The following UBR4 variants were observed in gnomAD, a reference collection of about 807,000 sequenced individuals.
The protein encoded by UBR4 is E3 ubiquitin-protein ligase UBR4.
UBR4 carries 124 observed loss-of-function variants against 575.6 expected under a neutral mutation model. The observed-to-expected ratio is 0.22, with a 90% confidence interval of 0.19 to 0.25. The LOEUF (loss-of-function observed/expected upper bound fraction) is 0.25. Ranked by LOEUF, UBR4 falls within the 10% of genes least tolerant of loss-of-function variation. The probability of loss-of-function intolerance (pLI) is 1.00; values close to 1 mark genes in which losing one functional copy is unlikely to be tolerated. For synonymous variants in UBR4, 2,455 were observed against 2,473.7 expected, an observed-to-expected ratio of 0.99 and a Z score of 0.22; for missense variants, 4,818 against 6,478.8, an observed-to-expected ratio of 0.74 and a Z score of 8.80.
At chr1:19,196,734 G>A (rs149097161) in intron 8 of UBR4, among the ~76,000 whole-genome samples, 7 of 152,236 alleles carry the variant, frequency 4.6e-5, no homozygotes, top group South Asian at 2.1e-4. Flanking sequence ...TCTGTGTACC[G>A]AAAATATTCT....
Position 19,141,732 on chromosome 1 carries a change from T to G in UBR4, c.8225A>C (p.Gln2742Pro), listed in dbSNP as rs767754966. Residue 2742 changes from glutamine to proline, a missense_variant, in exon 56 of 106, where the codon CAG becomes CCG. Physicochemically the swap from Gln to Pro is moderately conservative, Grantham distance 76. This residue lies in a region of UBR4 where 129 missense variants were observed against 198.4 expected (regional missense o/e 0.65). Transcript: ENST00000375254. The part of the protein sequence containing the change: ...DDDDDADEKM[Q>P]SSGIPNGGHI... Reference sequence around the variant, plus strand: ...ACCACCATTCGGGATCCCTGATGACTGCATTTTCTCATCTGCATCATCATC... The same window carrying G: ...ACCACCATTCGGGATCCCTGATGACGGCATTTTCTCATCTGCATCATCATC... 1 of 1,614,212 alleles carries G rather than the reference T, an allele frequency of 6.2e-7. No individual in the cohort carries two copies.
chr1:19,117,985 C>G lies in UBR4; in HGVS notation c.10542-75G>C, dbSNP rs554271258. The G allele has an allele frequency of 2.1e-5, 30 of 1,449,484 alleles. No individual in the cohort carries two copies. In the African/African-American group the frequency reaches 3.9e-4, roughly 19 times the overall value. The allele number at this position is 1,449,484 out of a possible 1,614,324, so 89.8% of individuals were successfully genotyped here. On this transcript the variant is annotated intron_variant, in intron 71 of 105. Transcript: ENST00000375254. The surrounding 1 kb of genome is among the most constrained non-coding windows in gnomAD (Gnocchi z 4.0). ...ACTGAGTTTCACAAAAAAATCATGA[C>G]AAAGCCATGGCTCAATGTGAGCCAA...
At chr1:19,151,622 C>T (rs745750204) in intron 48 of UBR4, 21 bp downstream of exon 48, 1 of 1,613,792 alleles carries the variant, frequency 6.2e-7, no homozygotes. Context: ...ACAGAGTCTG[C>T]ACCAGGGGTT....
chr1:19,173,789 C>T (rs1315375896), intron 22 of UBR4, among the ~76,000 whole-genome samples, 168 bp from the exon 23 acceptor site: 1 of 152,152 alleles, frequency 6.6e-6, no homozygotes, highest in Non-Finnish European at 1.5e-5. Flanking sequence ...CTAGAGAGTG[C>T]ACCTAGCAGA....
chr1:19,180,292 A>G (rs976223481), intron 17 of UBR4, among the ~76,000 whole-genome samples: 17 of 152,034 alleles, frequency 1.1e-4, no homozygotes, highest in Non-Finnish European at 1.9e-4. Flanking sequence ...GGATTCAAGC[A>G]ATTCTTGTGC....
intron 81 of UBR4, 125 bp from the exon 82 acceptor site, chr1:19,107,091 C>T (rs1337241454): frequency 6.6e-6 from 9 of 1,370,414 alleles, no homozygotes; most frequent in South Asian, 5.6e-5. Context: ...AGGATCAACA[C>T]GTGTATCTCT....
At chr1:19,150,828 T>A (rs2085576041) in intron 48 of UBR4, 35 bp from the exon 49 acceptor site, 2 of 1,607,488 alleles carry the variant, frequency 1.2e-6, no homozygotes, top group Admixed American at 1.7e-5. Context: ...AGGAAGCACA[T>A]TCTCTAAAAA....
At position 19,160,138 on chromosome 1, in the gene UBR4, C is replaced by T. The variant is rs1396461132; in HGVS notation, c.5550G>A (p.Lys1850=). The change falls in exon 39 of 106, where the codon AAG becomes AAA. Residue 1850 remains lysine (K), a synonymous_variant. Coordinates refer to ENST00000375254, the MANE Select transcript of UBR4 (RefSeq NM_020765.3). ...QALSELHTVE[K]AVEMTDQLMV... ...TCAGCTGGTCTGTCATCTCCACTGC[C>T]TTCTCCACAGTGTGTAGCTCACTGA... 6.2e-7 allele frequency: 1 copy of T among 1,613,288 alleles called. No individual in the cohort carries two copies. The highest frequency in any genetic ancestry group is 8.5e-7 in the Non-Finnish European group (1 of 1,179,798).
At chr1:19,113,858 C>T (rs2149345753) in intron 76 of UBR4, 31 bp from the exon 77 acceptor site, 2 of 1,614,142 alleles carry the variant, frequency 1.2e-6, no homozygotes, top group Non-Finnish European at 1.7e-6. Context: ...CTGTCAGGCT[C>T]CCCACCTAAG....
At chr1:19,180,541 C>CAA (rs11409299) in intron 17 of UBR4, among the ~76,000 whole-genome samples, 3,525 of 108,644 alleles carry the variant, frequency 0.032, 155 homozygotes, top group African/African-American at 0.12. Flanking sequence ...TGAAACAATT[C>CAA]AAAAAAAAAA....
rs188817405 is a variant in UBR4 at position 19,075,231 on chromosome 1, C to A, written c.15488-335G>T. ...GACCTAGGAGTGGAAGGCACGGAGGCTCGCTGCCTGGCAAAGGCTCTGGCT... is the reference window on the plus strand; with the variant it reads ...GACCTAGGAGTGGAAGGCACGGAGGATCGCTGCCTGGCAAAGGCTCTGGCT... On this transcript the variant is annotated intron_variant, in intron 105 of 105. Transcript: ENST00000375254. 1.5e-5 allele frequency: 5 copies of A among 333,146 alleles called. No individual in the cohort carries two copies. The Admixed American group carries it at 2.2e-4, about 14-fold the overall frequency. 20.6% of individuals were successfully genotyped at this position (333,146 alleles called of 1,614,324 possible).
intron 8 of UBR4, among the ~76,000 whole-genome samples, chr1:19,195,327 T>C (rs1184105103): frequency 2.0e-5 from 3 of 150,426 alleles, no homozygotes; most frequent in Admixed American, 2.0e-4. Context: ...TAAAAATAAA[T>C]TTTAAGATTA....
chr1:19,192,056 T>A, intron 11 of UBR4, 132 bp downstream of exon 11: 2 of 853,552 alleles, frequency 2.3e-6, no homozygotes, highest in South Asian at 3.6e-5. Context: ...ATGATCATTA[T>A]CTTAGTTGCT....
rs1173348266 is a variant in UBR4, at chr1:19,193,472, A to T, written c.1104T>A (p.Asp368Glu). 6.2e-7 allele frequency: 1 copy of T among 1,614,180 alleles called. No individual in the cohort carries two copies. The highest frequency in any genetic ancestry group is 8.5e-7 in the Non-Finnish European group (1 of 1,180,010). ...VRTGSTSSKE[D>E]DYESDAATIV... ...TTGTAGCTGCGTCACTTTCATAGTCATCTTCTTTGGAGCTCGTGGACCCTG... is the reference window on the plus strand; with the variant it reads ...TTGTAGCTGCGTCACTTTCATAGTCTTCTTCTTTGGAGCTCGTGGACCCTG... Residue 368 changes from aspartate (D) to glutamate (E), a missense_variant, in exon 9 of 106, where the codon GAT becomes GAA. Physicochemically the swap from Asp to Glu is conservative, Grantham distance 45 (BLOSUM62 2). Transcript: ENST00000375254.
At chr1:19,082,431 C>T (rs1049392475) in intron 102 of UBR4, among the ~76,000 whole-genome samples, 10 of 152,230 alleles carry the variant, frequency 6.6e-5, no homozygotes, top group Non-Finnish European at 1.5e-4. Context: ...TCCATCTTAA[C>T]CCTACCTCCT....
chr1:19,143,583 G>A (rs998883389), intron 55 of UBR4, among the ~76,000 whole-genome samples: 1 of 152,192 alleles, frequency 6.6e-6, no homozygotes, highest in African/African-American at 2.4e-5. Context: ...GACATTTAAT[G>A]AAGAGCTTCT....
At chr1:19,144,624 T>C (rs1408720325) in intron 54 of UBR4, among the ~76,000 whole-genome samples, 162 bp downstream of exon 54, 1 of 152,240 alleles carries the variant, frequency 6.6e-6, no homozygotes, top group Admixed American at 6.5e-5. Context: ...CAAATCTTTC[T>C]CTTCCATGGA....
chr1:19,106,789 G>A (rs763627102), intron 82 of UBR4, 48 bp downstream of exon 82: 6 of 1,604,336 alleles, frequency 3.7e-6, no homozygotes, highest in Non-Finnish European at 4.3e-6. Flanking sequence ...AGGCAGGGCT[G>A]TCAGAGCGCA....
Position 19,157,011 on chromosome 1 carries a change from A to G in UBR4, c.5761-86T>C, listed in dbSNP as rs2086542256. On this transcript the variant is annotated intron_variant, in intron 40 of 105. Coordinates refer to ENST00000375254, the MANE Select transcript of UBR4 (RefSeq NM_020765.3). The surrounding 1 kb of genome is among the most constrained non-coding windows in gnomAD (Gnocchi z 4.4). ...AGTAACAAAAACTCTTTCAATAGGG[A>G]TAACAGGTTGCACACTTTTTTCTTT... 6.9e-7 allele frequency: 1 copy of G among 1,459,152 alleles called. No individual in the cohort carries two copies. 90.4% of individuals were successfully genotyped at this position (1,459,152 alleles called of 1,614,324 possible). A position where few individuals can be genotyped will look rare whatever the true frequency, so the allele number is the denominator to read the frequency against.
Sources: gnomAD v4.1 joint callset for allele counts (sites outside exome capture counted in the v4.1 genomes callset) on GRCh38, gnomAD v4.1.1 for gene constraint, gnomAD v4.1.1 regional missense constraint, Gnocchi (gnomAD v3.1) non-coding constraint, MANE v1.5 for transcripts, NCBI Gene and HGNC (gene_info 2026-07-23, HGNC 2026-07-21) for gene names.